Variants in VPS8 observed in about 807,000 individuals in gnomAD.
VPS8 encodes vacuolar protein sorting-associated protein 8 homolog.
VPS8 carries 129 observed loss-of-function variants against 216.4 expected under a neutral mutation model. The observed-to-expected ratio is 0.60, with a 90% CI of 0.52 to 0.69. The LOEUF is 0.69. Ranked by LOEUF, VPS8 falls within the 30% of genes least tolerant of loss-of-function variation. The pLI, the probability that VPS8 is intolerant of heterozygous loss-of-function variation, is 0.00. For synonymous variants in VPS8, 571 were observed against 565.4 expected (o/e 1.01, Z -0.14); for missense variants, 1,531 against 1,683.5 (o/e 0.91, Z 1.59).
chr3:184,894,894 A>G lies in VPS8; in HGVS notation c.1973A>G (p.His658Arg). The G allele has an allele frequency of 1.9e-6, 3 of 1,607,960 alleles. No homozygotes were observed. The highest frequency in any genetic ancestry group is 2.5e-6 in the Non-Finnish European group (3 of 1,177,554). ...LMENVEALIVHMDITSLDIQQ... is the reference protein window; with the variant it reads ...LMENVEALIVRMDITSLDIQQ... ...GAAAATGTGGAAGCGCTCATTGTACATATGGATATCACCAGCCTAGATATT... is the reference window on the plus strand; with the variant it reads ...GAAAATGTGGAAGCGCTCATTGTACGTATGGATATCACCAGCCTAGATATT... The change falls in exon 23 of 48, where the codon CAT becomes CGT. Residue 658 changes from histidine to arginine, a missense_variant. Around this residue, in one of 3 missense-constraint regions of VPS8, gnomAD observed 1,318 missense variants for 1,468.4 expected, o/e 0.90. Coordinates refer to ENST00000625842, the MANE Select transcript of VPS8 (RefSeq NM_001009921.3).
intron 46 of VPS8, among the ~76,000 whole-genome samples, chr3:185,038,256 T>C (rs1759170164): frequency 6.6e-6 from 1 of 152,248 alleles, no homozygotes; most frequent in South Asian, 2.1e-4. Context: ...GGCTGGGCTC[T>C]GGTTTTGTTG....
At chr3:185,013,643 G>C (rs1308379764) in intron 45 of VPS8, among the ~76,000 whole-genome samples, 4 of 152,172 alleles carry the variant, frequency 2.6e-5, no homozygotes, top group Non-Finnish European at 4.4e-5. Context: ...CTTATTAAGA[G>C]CTATTCATAG....
intron 1 of VPS8, among the ~76,000 whole-genome samples, chr3:184,818,242 T>C (rs1395414438): frequency 1.3e-5 from 2 of 152,096 alleles, no homozygotes; most frequent in East Asian, 3.8e-4. Flanking sequence ...TAAAAATAAG[T>C]CCACTTGTGC....
chr3:184,863,454 C>T (rs1339575116), intron 16 of VPS8, among the ~76,000 whole-genome samples: 2 of 152,034 alleles, frequency 1.3e-5, no homozygotes. Context: ...GACAGGTACT[C>T]TATGAGGCTT....
At chr3:184,882,251 T>C in intron 21 of VPS8, 1 of 385,874 alleles carries the variant, frequency 2.6e-6, no homozygotes, top group South Asian at 2.0e-5. Context: ...TTCCCCTCTA[T>C]TACAGTTTTT....
chr3:185,012,609 A>G (rs1199257899), intron 45 of VPS8, among the ~76,000 whole-genome samples: 1 of 152,072 alleles, frequency 6.6e-6, no homozygotes, highest in Admixed American at 6.6e-5. Context: ...AAGATGATGA[A>G]GAAATCTTAC....
At position 184,869,490 on chromosome 3, in the gene VPS8, G is replaced by T; in HGVS notation, c.1606G>T (p.Gly536Trp). 1 of 1,613,442 alleles carries T rather than the reference G, an allele frequency of 6.2e-7. No homozygotes were observed. Among genetic ancestry groups the T allele is most frequent in the South Asian group, 1.1e-5 (1 of 91,060 alleles). Residue 536 changes from glycine to tryptophan, a missense_variant, in exon 20 of 48, where the codon GGG becomes TGG. Transcript: ENST00000625842. ...ATTTTCCTTCTCTGCAGGATTATCA[G>T]GGGATGCCAGTAAGCGAAAGGCTAT... ...GKAKAVVGLS[G>W]DASKRKAIVA...
At chr3:184,879,279 A>G (rs1729850415) in intron 21 of VPS8, among the ~76,000 whole-genome samples, 2 of 152,220 alleles carry the variant, frequency 1.3e-5, no homozygotes, top group Admixed American at 6.5e-5. Context: ...ATACATGAAT[A>G]TCCGACAAGA....
rs778197424 is a variant in VPS8 at position 184,858,449 on chromosome 3, G to A, written c.1144-1536G>A. 1.6e-4 allele frequency among the ~76,000 whole-genome samples: 24 copies of A among 152,312 alleles called. No individual in the cohort carries two copies. The Middle Eastern group carries it at 0.014, about 86-fold the overall frequency. On this transcript the variant is annotated intron_variant, in intron 14 of 47. Coordinates refer to ENST00000625842, the MANE Select transcript of VPS8 (RefSeq NM_001009921.3). Reference sequence around the variant, plus strand: ...CATCCTAAAGAACTGAAGGTCTTGGGAATTTAATCATGCCAATGCAGTCTT... The same window carrying A: ...CATCCTAAAGAACTGAAGGTCTTGGAAATTTAATCATGCCAATGCAGTCTT...
intron 20 of VPS8, among the ~76,000 whole-genome samples, chr3:184,870,513 A>G (rs1435748611): frequency 1.3e-5 from 2 of 152,210 alleles, no homozygotes; most frequent in Admixed American, 1.3e-4. Context: ...ATATTTCTTA[A>G]GAAAGATTAG....
Position 185,024,390 on chromosome 3 carries a change from G to A in VPS8, c.4056+1G>A, listed in dbSNP as rs983086348. The A allele has an allele frequency of 6.3e-6, 10 of 1,594,504 alleles. No homozygotes were observed. The highest frequency in any genetic ancestry group is 6.0e-6 in the Non-Finnish European group (7 of 1,169,620). ...CAAAGGGGATCCCACTGCTAAAAAG[G>A]TGAGTTTGTTTTAAAGGCAAAAAAC... On this transcript the variant is annotated splice_donor_variant, in intron 46 of 47. Coordinates refer to ENST00000625842, the MANE Select transcript of VPS8 (RefSeq NM_001009921.3). LOFTEE classifies it high-confidence loss of function.
chr3:184,934,190 A>G (rs1238329167), intron 34 of VPS8, among the ~76,000 whole-genome samples: 1 of 152,046 alleles, frequency 6.6e-6, no homozygotes, highest in Non-Finnish European at 1.5e-5. Flanking sequence ...TTTTTGAGAC[A>G]GAGTCTCACT....
At chr3:184,849,529 A>T in intron 9 of VPS8, 1 of 256,528 alleles carries the variant, frequency 3.9e-6, no homozygotes, top group Non-Finnish European at 7.4e-6. Flanking sequence ...GTGTTCCTGG[A>T]TAACGATTTT....
chr3:184,957,335 G>T, intron 36 of VPS8, 39 bp from the exon 37 acceptor site: 1 of 1,566,864 alleles, frequency 6.4e-7, no homozygotes, highest in South Asian at 1.2e-5. Context: ...ATTAAATAAT[G>T]CTACAATTGA....
intron 10 of VPS8, 56 bp from the exon 11 acceptor site, chr3:184,852,444 C>T (rs2108665080): frequency 2.6e-6 from 4 of 1,522,086 alleles, no homozygotes; most frequent in Non-Finnish European, 3.6e-6. Flanking sequence ...ATTTTTTCCT[C>T]CTTAATACTT....
intron 45 of VPS8, among the ~76,000 whole-genome samples, 153 bp downstream of exon 45, chr3:185,000,014 C>T (rs1425563534): frequency 5.3e-5 from 8 of 152,196 alleles, no homozygotes; most frequent in Non-Finnish European, 7.4e-5. Flanking sequence ...ATTTAGTGTT[C>T]GAAGAGCCTC....
intron 36 of VPS8, among the ~76,000 whole-genome samples, chr3:184,955,522 A>G (rs954026462): frequency 6.6e-6 from 1 of 151,076 alleles, no homozygotes; most frequent in African/African-American, 2.4e-5. Flanking sequence ...AATAAATATC[A>G]GCACGCCCAG....
intron 46 of VPS8, among the ~76,000 whole-genome samples, chr3:185,035,295 G>A (rs912333964): frequency 1.3e-5 from 2 of 152,038 alleles, no homozygotes; most frequent in Admixed American, 1.3e-4. Context: ...ATCTGGCAGA[G>A]ACACGATGTA....
intron 3 of VPS8, 59 bp from the exon 4 acceptor site, chr3:184,832,630 G>A (rs1260517835): frequency 1.4e-6 from 2 of 1,471,630 alleles, no homozygotes; most frequent in African/African-American, 2.8e-5. Flanking sequence ...ATTAATGCCT[G>A]ACTCATTTCA....
Sources: allele counts gnomAD v4.1 joint callset (sites outside exome capture counted in the v4.1 genomes callset), GRCh38; gene constraint gnomAD v4.1.1; regional missense constraint gnomAD v4.1.1; transcripts MANE v1.5; gene names NCBI Gene and HGNC (gene_info 2026-07-23, HGNC 2026-07-21).